The following PAK1 variants were observed in gnomAD, a reference collection of about 807,000 sequenced individuals.
PAK1 encodes the protein p21 (RAC1) activated kinase 1.
In PAK1, 29 loss-of-function variants were observed where a neutral mutation model predicts 67.4. The observed-to-expected ratio is 0.43, with a 90% confidence interval of 0.32 to 0.59. The LOEUF (loss-of-function observed/expected upper bound fraction) is 0.59, where lower values mean the gene tolerates loss of function less well. Among genes scored for constraint, PAK1 ranks in the 20% least tolerant of loss-of-function variants. The pLI is 0.07. For synonymous variants in PAK1, 223 were observed against 237.4 expected, an observed-to-expected ratio of 0.94 and a Z score of 0.56; for missense variants, 337 against 670.7, an observed-to-expected ratio of 0.50 and a Z score of 5.50.
rs545976811 is a variant in PAK1 at position 77,436,856 on chromosome 11, G to C, written c.-22+36696C>G. On this transcript the variant is annotated intron_variant, in intron 1 of 14. Transcript: ENST00000356341. ...TGTACAGTATGTCACCTGACTGCCT[G>C]CTTCTTAGTATAGCTGGAAGCATCA... is the stretch of plus-strand genomic sequence containing the variant. Among the ~76,000 whole-genome samples, 164 of 152,260 alleles carry C rather than the reference G, an allele frequency of 1.1e-3. 1 individual carries two copies. Among genetic ancestry groups the C allele is most frequent in the Middle Eastern group, 6.8e-3 (2 of 294 alleles).
chr11:77,437,572 G>T (rs926677424), intron 1 of PAK1, among the ~76,000 whole-genome samples: 5 of 152,130 alleles, frequency 3.3e-5, no homozygotes, highest in Non-Finnish European at 1.5e-5. Flanking sequence ...GTCTAGAGAT[G>T]TTTTTTATTG....
At chr11:77,430,295 A>G (rs985172348) in intron 1 of PAK1, among the ~76,000 whole-genome samples, 2 of 152,234 alleles carry the variant, frequency 1.3e-5, no homozygotes, top group Admixed American at 6.5e-5. Context: ...GAGGAAAAAC[A>G]TATTTCAGAC....
intron 1 of PAK1, among the ~76,000 whole-genome samples, chr11:77,393,550 G>C: frequency 6.6e-6 from 1 of 152,180 alleles, no homozygotes; most frequent in East Asian, 1.9e-4. Flanking sequence ...TCCCACCTCA[G>C]TCTCCCAAGC....
At chr11:77,428,278 T>C (rs1955659850) in intron 1 of PAK1, among the ~76,000 whole-genome samples, 1 of 152,064 alleles carries the variant, frequency 6.6e-6, no homozygotes, top group Non-Finnish European at 1.5e-5. Context: ...AATAGTCTAG[T>C]TAAGGCCAGG....
At chr11:77,379,845 C>A (rs1299406093) in intron 3 of PAK1, 49 bp downstream of exon 3, 1 of 1,245,000 alleles carries the variant, frequency 8.0e-7, no homozygotes, top group African/African-American at 1.5e-5. Context: ...TAACAGTGCA[C>A]AGCCAGAACT....
chr11:77,402,070 T>C (rs1217843661), intron 1 of PAK1, among the ~76,000 whole-genome samples: 1 of 152,216 alleles, frequency 6.6e-6, no homozygotes, highest in Non-Finnish European at 1.5e-5. Flanking sequence ...CTTTATTTTA[T>C]GGGAACCTGG....
At chr11:77,370,246 T>C (rs1467203070) in intron 5 of PAK1, among the ~76,000 whole-genome samples, 1 of 152,220 alleles carries the variant, frequency 6.6e-6, no homozygotes, top group Non-Finnish European at 1.5e-5. Flanking sequence ...TTTCCTTCAC[T>C]GCAGAGCTAC....
chr11:77,386,270 C>T (rs535671543), intron 2 of PAK1, among the ~76,000 whole-genome samples: 8 of 152,312 alleles, frequency 5.3e-5, no homozygotes, highest in Non-Finnish European at 7.3e-5. Flanking sequence ...CTGAGCTAAT[C>T]TGAGCTCAAG....
At chr11:77,362,556 A>C (rs1946935489) in intron 5 of PAK1, among the ~76,000 whole-genome samples, 1 of 152,210 alleles carries the variant, frequency 6.6e-6, no homozygotes, top group South Asian at 2.1e-4. Context: ...TCACGCCTTT[A>C]TCACTTACAA....
At chr11:77,337,559 C>T in intron 11 of PAK1, 136 bp from the exon 12 acceptor site, 1 of 466,834 alleles carries the variant, frequency 2.1e-6, no homozygotes, top group Non-Finnish European at 3.8e-6. Flanking sequence ...AAGGACTTGC[C>T]CCAAATCAAT....
the PAK1 span, among the ~76,000 whole-genome samples, chr11:77,491,194 AAG>A: frequency 1.3e-5 from 2 of 152,066 alleles, no homozygotes; most frequent in African/African-American, 4.8e-5. Flanking sequence ...AAAAAAAAAA[AAG>A]AAATCATTAG....
At chr11:77,495,370 A>G in the PAK1 span, among the ~76,000 whole-genome samples, 172 of 152,072 alleles carry the variant, frequency 1.1e-3, no homozygotes, top group Non-Finnish European at 1.9e-3. Flanking sequence ...GCTACTCAAG[A>G]GGCTGAGGCA....
the PAK1 span, among the ~76,000 whole-genome samples, chr11:77,509,363 A>G: frequency 0.22 from 33,614 of 152,154 alleles, 4,045 homozygotes; most frequent in South Asian, 0.48. Context: ...TTATAAATCT[A>G]TATTTTCACT....
the PAK1 span, among the ~76,000 whole-genome samples, chr11:77,490,349 CCG>C: frequency 4.1e-5 from 6 of 148,056 alleles, no homozygotes; most frequent in African/African-American, 1.0e-4. Context: ...AGCCCCCCAC[CCG>C]GCCAGCCGCC....
At chr11:77,368,924 C>T (rs983280934) in intron 5 of PAK1, among the ~76,000 whole-genome samples, 6 of 152,150 alleles carry the variant, frequency 3.9e-5, no homozygotes, top group South Asian at 2.1e-4. Context: ...ATTGATGTTA[C>T]TATTTGGTAT....
chr11:77,446,511 C>CAAAAA (rs56952838), intron 1 of PAK1, among the ~76,000 whole-genome samples: 251 of 59,662 alleles, frequency 4.2e-3, no homozygotes, highest in East Asian at 7.1e-3. Context: ...GACCCTGTCT[C>CAAAAA]AAAAAAAAAA....
At chr11:77,497,709 G>T in the PAK1 span, among the ~76,000 whole-genome samples, 1 of 152,222 alleles carries the variant, frequency 6.6e-6, no homozygotes, top group African/African-American at 2.4e-5. Flanking sequence ...GGGCAAAGCT[G>T]TTCAGTACAT....
the PAK1 span, among the ~76,000 whole-genome samples, chr11:77,492,853 G>A: frequency 6.6e-6 from 1 of 152,040 alleles, no homozygotes; most frequent in African/African-American, 2.4e-5. Context: ...ACCTACCCCT[G>A]CTTTTGATCC....
the PAK1 span, among the ~76,000 whole-genome samples, chr11:77,489,454 C>T: frequency 1.1e-4 from 17 of 151,824 alleles, no homozygotes; most frequent in African/African-American, 3.9e-4. Context: ...CCTCTCCCCA[C>T]GGTCTCCCTC....
Sources: gnomAD v4.1 joint callset for allele counts (sites outside exome capture counted in the v4.1 genomes callset) on GRCh38, gnomAD v4.1.1 for gene constraint, MANE v1.5 for transcripts, NCBI Gene and HGNC (gene_info 2026-07-23, HGNC 2026-07-21) for gene names.